The following CLCNKA variants were observed in gnomAD, a reference collection of about 807,000 sequenced individuals.
The protein encoded by CLCNKA is chloride channel protein ClC-Ka.
CLCNKA carries 66 observed loss-of-function variants against 83.3 expected under a neutral mutation model. That is an observed-to-expected ratio of 0.79 (90% CI 0.65 to 0.97). The LOEUF is 0.97. Among genes scored for constraint, CLCNKA ranks in the 50% least tolerant of loss-of-function variants. CLCNKA has a pLI of 0.00. For synonymous variants in CLCNKA, 357 were observed against 370.4 expected (o/e 0.96, Z 0.42); for missense variants, 806 against 888.7 (o/e 0.91, Z 1.18).
chr1:16,030,786 G>A, intron 15 of CLCNKA, 112 bp downstream of exon 15: 4 of 1,371,794 alleles, frequency 2.9e-6, no homozygotes, highest in Admixed American at 1.9e-5. Flanking sequence ...TCCGACATGG[G>A]GGCTGGGAGG....
intron 18 of CLCNKA, among the ~76,000 whole-genome samples, chr1:16,032,940 C>T (rs949254126): frequency 2.0e-5 from 3 of 152,196 alleles, no homozygotes; most frequent in Non-Finnish European, 4.4e-5. Context: ...CTCTGTGCTG[C>T]TGGAGGGTGC....
At chr1:16,026,499 C>G (rs1021142890) in intron 5 of CLCNKA, 37 bp from the exon 6 acceptor site, 2 of 1,612,610 alleles carry the variant, frequency 1.2e-6, no homozygotes, top group Non-Finnish European at 1.7e-6. Flanking sequence ...GAGACTGTCT[C>G]TGCTGCCCTC....
At chr1:16,025,679 C>T (rs1373048612) in intron 4 of CLCNKA, among the ~76,000 whole-genome samples, 1 of 151,910 alleles carries the variant, frequency 6.6e-6, no homozygotes, top group African/African-American at 2.4e-5. Flanking sequence ...AGGGTGATAC[C>T]CTGTCTCAAA....
chr1:16,022,274 C>G (rs1248284793), intron 1 of CLCNKA, among the ~76,000 whole-genome samples: 1 of 152,086 alleles, frequency 6.6e-6, no homozygotes, highest in African/African-American at 2.4e-5. Context: ...ATCCATGGGA[C>G]TCTGCAGTGA....
intron 19 of CLCNKA, among the ~76,000 whole-genome samples, 164 bp downstream of exon 19, chr1:16,033,420 C>T (rs2022717184): frequency 6.6e-6 from 1 of 152,242 alleles, no homozygotes; most frequent in South Asian, 2.1e-4. Context: ...CTGGGCCTGG[C>T]TCCCCTACCT....
rs750391236 is a variant in CLCNKA, at chr1:16,026,775, G to A, written c.655G>A (p.Gly219Ser). Reference sequence around the variant, plus strand: ...CACAGTCTTTGCAGCTCCCTTCAGCGGTGAGACCCCCCTCATGCCCCGCCC... The same window carrying A: ...CACAGTCTTTGCAGCTCCCTTCAGCAGTGAGACCCCCCTCATGCCCCGCCC... ...VATVFAAPFS[G>S]VLFSIEVMSS... Residue 219 changes from glycine (G) to serine (S), a missense_variant and splice_region_variant, in exon 7 of 20, where the codon GGC becomes AGC. Coordinates refer to ENST00000331433, the MANE Select transcript of CLCNKA (RefSeq NM_004070.4). 1.9e-6 allele frequency: 3 copies of A among 1,604,470 alleles called. No homozygotes were observed. The highest frequency in any genetic ancestry group is 2.2e-5 in the South Asian group (2 of 91,028).
At chr1:16,024,702 G>T in intron 3 of CLCNKA, 61 bp from the exon 4 acceptor site, 1 of 1,608,428 alleles carries the variant, frequency 6.2e-7, no homozygotes. Flanking sequence ...GGGCACCACA[G>T]TGTCTGGCCC....
At position 16,023,890 on chromosome 1, in the gene CLCNKA, G is replaced by A; in HGVS notation, c.191G>A (p.Ser64Asn). ...CTCGGGGTGCTCATGGCCCTGGTCA[G>A]CTATGCCATGAACTTTGCCATCGGG... ...MTLGVLMALVSYAMNFAIGCV... is the reference protein window; with the variant it reads ...MTLGVLMALVNYAMNFAIGCV... Residue 64 changes from serine (S) to asparagine (N), a missense_variant, in exon 3 of 20, where the codon AGC becomes AAC. Physicochemically the swap from Ser to Asn is conservative, Grantham distance 46. Transcript: ENST00000331433. 1 of 1,614,208 alleles carries A rather than the reference G, an allele frequency of 6.2e-7. No homozygotes were observed. Among genetic ancestry groups the A allele is most frequent in the Non-Finnish European group, 8.5e-7 (1 of 1,180,030 alleles).
In CLCNKA at chr1:16,030,503, C is replaced by T. The variant is rs965035380; in HGVS notation, c.1451C>T (p.Thr484Met). 28 of 1,612,912 alleles carry T rather than the reference C, an allele frequency of 1.7e-5. No homozygotes were observed. The highest frequency in any genetic ancestry group is 1.0e-4 in the Admixed American group (6 of 60,004). ...GGGGCTGTGACCCACACCATCTCCA[C>T]GGCGCTGCTGGCCTTTGAGCTGACC... ...FSGAVTHTIS[T>M]ALLAFELTGQ... Residue 484 changes from threonine to methionine, a missense_variant, in exon 15 of 20, where the codon ACG (threonine) becomes ATG (methionine). By Grantham distance (81) the Thr-to-Met change is moderately conservative. Coordinates refer to ENST00000331433, the MANE Select transcript of CLCNKA (RefSeq NM_004070.4).
At chr1:16,028,534 G>C (rs546939516) in intron 10 of CLCNKA, 2 of 680,794 alleles carry the variant, frequency 2.9e-6, no homozygotes, top group African/African-American at 3.5e-5. Context: ...AATCTCCTGC[G>C]TGATTCCTCT....
chr1:16,028,233 C>A (rs2022456960), intron 10 of CLCNKA, 114 bp downstream of exon 10: 1 of 979,370 alleles, frequency 1.0e-6, no homozygotes, highest in Non-Finnish European at 1.6e-6. Context: ...CCCTCCCTAG[C>A]CCGTGGAGCA....
chr1:16,027,231 G>C, intron 7 of CLCNKA, 79 bp from the exon 8 acceptor site: 1 of 1,588,108 alleles, frequency 6.3e-7, no homozygotes, highest in Admixed American at 1.7e-5. Flanking sequence ...GCTCAGGGAG[G>C]AGGCGAGATG....
rs1233135901 is a variant in CLCNKA at position 16,028,842 on chromosome 1, T to A, written c.1050T>A (p.Ser350=). Residue 350 remains serine, a synonymous_variant, in exon 11 of 20, where the codon TCT becomes TCA. Coordinates refer to ENST00000331433, the MANE Select transcript of CLCNKA (RefSeq NM_004070.4). The part of the protein sequence containing the change: ...YPPGVGHFLA[S]RLSMKQHLDS... The stretch of plus-strand genomic sequence containing the variant: ...CTGGTGTGGGCCACTTCCTAGCTTC[T>A]CGGGTAAGGGGTCCTGAGCGGGGGT... 1.2e-6 allele frequency: 2 copies of A among 1,614,024 alleles called. No homozygotes were observed. The highest frequency in any genetic ancestry group is 1.7e-6 in the Non-Finnish European group (2 of 1,180,000).
chr1:16,028,358 A>C (rs1309355275), intron 10 of CLCNKA, among the ~76,000 whole-genome samples: 1 of 110,172 alleles, frequency 9.1e-6, no homozygotes, highest in South Asian at 2.8e-4. Context: ...GCGAAACCCC[A>C]CCCCCTCACT....
In CLCNKA at chr1:16,029,280, C is replaced by T; in HGVS notation, c.1208C>T (p.Ala403Val). ...HPRFTIFGTL[A>V]FFLVMKFWML... ...CGGTTCACCATCTTTGGGACCCTTG[C>T]CTTCTTCCTGGTTATGAAGGTGGGC... The change falls in exon 12 of 20, where the codon GCC becomes GTC. Residue 403 changes from alanine to valine, a missense_variant. By Grantham distance (64) the Ala-to-Val change is moderately conservative. Transcript: ENST00000331433. The T allele has an allele frequency of 6.2e-7, 1 of 1,613,794 alleles. No homozygotes were observed. Among genetic ancestry groups the T allele is most frequent in the East Asian group, 2.2e-5 (1 of 44,888 alleles).
chr1:16,031,746 C>T lies in CLCNKA; in HGVS notation c.1659C>T (p.His553=). The part of the protein sequence containing the change: ...HHVRVEHFMN[H]SITTLAKDTP... The stretch of plus-strand genomic sequence containing the variant: ...TGAGGGTGGAGCACTTCATGAACCA[C>T]AGCATCACCACACTGGCCAAGGACA... The change falls in exon 16 of 20, where the codon CAC becomes CAT. Residue 553 remains histidine (H), a synonymous_variant. Transcript: ENST00000331433. 1.2e-6 allele frequency: 2 copies of T among 1,613,966 alleles called. No individual in the cohort carries two copies. Among genetic ancestry groups the T allele is most frequent in the Non-Finnish European group, 1.7e-6 (2 of 1,180,044 alleles).
rs1249215138 is a variant in CLCNKA at position 16,025,967 on chromosome 1, G to A, written c.359-141G>A. The A allele has an allele frequency of 3.7e-6, 4 of 1,071,124 alleles. No individual in the cohort carries two copies. The East Asian group carries it at 9.9e-5, about 26-fold the overall frequency. The allele number at this position is 1,071,124 out of a possible 1,614,324, so 66.4% of individuals were successfully genotyped here. ...GATGGGGTTTCACCATGTTGGCAAGGCTGGTCTCGAACTCCTGACCTCGCG... is the reference window on the plus strand; with the variant it reads ...GATGGGGTTTCACCATGTTGGCAAGACTGGTCTCGAACTCCTGACCTCGCG... On this transcript the variant is annotated intron_variant, in intron 4 of 19. Coordinates refer to ENST00000331433, the MANE Select transcript of CLCNKA (RefSeq NM_004070.4).
intron 6 of CLCNKA, 33 bp from the exon 7 acceptor site, chr1:16,026,664 G>C: frequency 6.2e-7 from 1 of 1,613,534 alleles, no homozygotes; most frequent in Non-Finnish European, 8.5e-7. Context: ...GAGGGAGGGG[G>C]CTGACTCTGA....
chr1:16,029,604 G>A (rs1177479439), intron 12 of CLCNKA, 127 bp from the exon 13 acceptor site: 1 of 1,259,160 alleles, frequency 7.9e-7, no homozygotes, highest in Non-Finnish European at 1.2e-6. Context: ...GCCAGACTCT[G>A]GCAGTGGGTG....
Sources: allele counts gnomAD v4.1 joint callset (sites outside exome capture counted in the v4.1 genomes callset), GRCh38; gene constraint gnomAD v4.1.1; transcripts MANE v1.5; gene names NCBI Gene and HGNC (gene_info 2026-07-23, HGNC 2026-07-21).